Variants in CNTNAP2 observed in about 807,000 individuals in gnomAD.
CNTNAP2 encodes the protein contactin associated protein 2.
Under a neutral mutation model 155.2 loss-of-function variants are expected in CNTNAP2, and 98 were observed. The ratio of observed to expected loss-of-function variants is 0.63; its 90% CI spans 0.54 to 0.75. CNTNAP2 has a LOEUF of 0.75. Among genes scored for constraint, CNTNAP2 ranks in the 30% least tolerant of loss-of-function variants. CNTNAP2 has a pLI of 0.00. For missense variants in CNTNAP2, 1,727 were observed against 1,688.1 expected, an observed-to-expected ratio of 1.02 and a Z score of -0.40; for synonymous variants, 651 against 631.2, an observed-to-expected ratio of 1.03 and a Z score of -0.47.
At chr7:148,216,954 C>T (rs1795649410) in intron 18 of CNTNAP2, among the ~76,000 whole-genome samples, 1 of 152,186 alleles carries the variant, frequency 6.6e-6, no homozygotes, top group Non-Finnish European at 1.5e-5. Context: ...CATGACTTTG[C>T]TCCTCCTTTG....
intron 1 of CNTNAP2, among the ~76,000 whole-genome samples, chr7:146,579,565 T>C (rs1798578781): frequency 6.6e-6 from 1 of 152,108 alleles, no homozygotes; most frequent in African/African-American, 2.4e-5. Flanking sequence ...ACTTAAGCTT[T>C]CACATCAGTC....
intron 15 of CNTNAP2, among the ~76,000 whole-genome samples, chr7:148,085,229 G>A (rs1245621623): frequency 6.6e-6 from 1 of 152,150 alleles, no homozygotes; most frequent in Non-Finnish European, 1.5e-5. Context: ...ATACATCGAG[G>A]TCTAAAAATT....
chr7:148,128,582 A>C (rs911401926), intron 16 of CNTNAP2, among the ~76,000 whole-genome samples: 1 of 152,212 alleles, frequency 6.6e-6, no homozygotes, highest in Non-Finnish European at 1.5e-5. Context: ...ATTTAGATTA[A>C]ATTTATCCAG....
intron 8 of CNTNAP2, among the ~76,000 whole-genome samples, chr7:147,286,296 A>T (rs889580106): frequency 6.6e-6 from 1 of 152,112 alleles, no homozygotes; most frequent in African/African-American, 2.4e-5. Context: ...TAGATTTAAG[A>T]AATTGTAATA....
intron 1 of CNTNAP2, among the ~76,000 whole-genome samples, chr7:146,350,618 T>C (rs995732217): frequency 2.6e-5 from 4 of 151,954 alleles, no homozygotes; most frequent in African/African-American, 9.7e-5. Flanking sequence ...GAAGTCAGTG[T>C]GGCAATTCCT....
At chr7:147,801,982 G>T (rs1395492105) in intron 13 of CNTNAP2, among the ~76,000 whole-genome samples, 2 of 151,614 alleles carry the variant, frequency 1.3e-5, no homozygotes, top group African/African-American at 4.8e-5. Context: ...TCCCGGACGG[G>T]GTGGCTGCCG....
intron 12 of CNTNAP2, among the ~76,000 whole-genome samples, chr7:147,575,111 G>A (rs867317197): frequency 0.28 from 30,278 of 108,222 alleles, 4,196 homozygotes; most frequent in East Asian, 0.42. Flanking sequence ...TGGGAAATGT[G>A]TGTGTGTGTG....
At chr7:148,045,742 T>C (rs1218927494) in intron 15 of CNTNAP2, among the ~76,000 whole-genome samples, 1 of 152,132 alleles carries the variant, frequency 6.6e-6, no homozygotes, top group African/African-American at 2.4e-5. Flanking sequence ...CTGCGAAGAA[T>C]GGGAAATAAA....
intron 1 of CNTNAP2, among the ~76,000 whole-genome samples, chr7:146,163,433 C>G (rs1798255482): frequency 6.7e-6 from 1 of 149,080 alleles, no homozygotes; most frequent in African/African-American, 2.4e-5. Flanking sequence ...AATAAAAATA[C>G]AAAACCCCAT....
chr7:147,583,556 T>C (rs1238633485), intron 12 of CNTNAP2, among the ~76,000 whole-genome samples: 1 of 145,142 alleles, frequency 6.9e-6, no homozygotes, highest in African/African-American at 2.6e-5. Context: ...TAAAATTAGT[T>C]CTTTCTGACT....
intron 1 of CNTNAP2, among the ~76,000 whole-genome samples, chr7:146,499,876 T>C (rs1216233348): frequency 6.6e-6 from 1 of 152,248 alleles, no homozygotes; most frequent in African/African-American, 2.4e-5. Flanking sequence ...TCTTTGGGTC[T>C]TTAAAAATTT....
At chr7:147,160,957 G>A (rs917310946) in intron 8 of CNTNAP2, among the ~76,000 whole-genome samples, 4 of 152,074 alleles carry the variant, frequency 2.6e-5, no homozygotes, top group Non-Finnish European at 5.9e-5. Context: ...AAAAGTACTG[G>A]GAAACTATTG....
At chr7:147,438,822 G>A (rs1262001282) in intron 10 of CNTNAP2, among the ~76,000 whole-genome samples, 2 of 151,904 alleles carry the variant, frequency 1.3e-5, no homozygotes, top group Non-Finnish European at 2.9e-5. Flanking sequence ...TCAGTAGGTT[G>A]TATGTGTCTG....
At chr7:146,537,177 T>A (rs1303890271) in intron 1 of CNTNAP2, among the ~76,000 whole-genome samples, 3 of 152,062 alleles carry the variant, frequency 2.0e-5, no homozygotes, top group Non-Finnish European at 4.4e-5. Flanking sequence ...TACATGACAA[T>A]ATCTGTATCC....
intron 1 of CNTNAP2, among the ~76,000 whole-genome samples, chr7:146,247,966 G>T (rs1799689621): frequency 6.6e-6 from 1 of 151,610 alleles, no homozygotes; most frequent in African/African-American, 2.4e-5. Context: ...GGAAATAAGG[G>T]ATCGGGGTGC....
At chr7:147,370,493 ATTG>A (rs1272434373) in intron 9 of CNTNAP2, among the ~76,000 whole-genome samples, 1 of 152,204 alleles carries the variant, frequency 6.6e-6, no homozygotes, top group African/African-American at 2.4e-5. Flanking sequence ...CGCTTGTTAA[ATTG>A]TTGTAACTTG....
intron 21 of CNTNAP2, among the ~76,000 whole-genome samples, chr7:148,371,122 G>A (rs560184890): frequency 6.6e-6 from 1 of 152,124 alleles, no homozygotes; most frequent in Non-Finnish European, 1.5e-5. Flanking sequence ...TCATGACTCA[G>A]TCAGGTCTCA....
At chr7:146,520,439 A>C (rs1797602333) in intron 1 of CNTNAP2, among the ~76,000 whole-genome samples, 1 of 151,276 alleles carries the variant, frequency 6.6e-6, no homozygotes, top group African/African-American at 2.4e-5. Flanking sequence ...GTAGTTAATC[A>C]ACAAATGTGT....
At chr7:146,495,552 AT>A (rs57676970) in intron 1 of CNTNAP2, among the ~76,000 whole-genome samples, 7,191 of 133,086 alleles carry the variant, frequency 0.054, 132 homozygotes, top group African/African-American at 0.12. Flanking sequence ...CTAACAGGTC[AT>A]TTTTTTTTTT....
Sources: allele counts gnomAD v4.1 joint callset (sites outside exome capture counted in the v4.1 genomes callset), GRCh38; gene constraint gnomAD v4.1.1; transcripts MANE v1.5; gene names NCBI Gene and HGNC (gene_info 2026-07-23, HGNC 2026-07-21).